Variants in SLC5A5 observed in about 807,000 individuals in gnomAD.
SLC5A5 encodes the protein solute carrier family 5 member 5.
In SLC5A5, 56 loss-of-function variants were observed where a neutral mutation model predicts 68.6. That is an observed-to-expected ratio of 0.82 (90% confidence interval 0.66 to 1.02). SLC5A5 has a LOEUF of 1.02. Ranked by LOEUF, SLC5A5 falls within the 50% of genes least tolerant of loss-of-function variation. The pLI, the probability that SLC5A5 is intolerant of heterozygous loss-of-function variation, is 0.00. For synonymous variants in SLC5A5, 398 were observed against 373.0 expected, an observed-to-expected ratio of 1.07 and a Z score of -0.77; for missense variants, 807 against 859.8, an observed-to-expected ratio of 0.94 and a Z score of 0.77.
At chr19:17,877,609 A>G in intron 5 of SLC5A5, 114 bp from the exon 6 acceptor site, 1 of 1,403,668 alleles carries the variant, frequency 7.1e-7, no homozygotes, top group Non-Finnish European at 9.8e-7. Flanking sequence ...CGCCTGGCCA[A>G]CAAAACCCAC....
Position 17,876,039 on chromosome 19 carries a change from A to T in SLC5A5, c.631A>T (p.Met211Leu), listed in dbSNP as rs1342061068. The T allele has an allele frequency of 6.2e-7, 1 of 1,614,172 alleles. No individual in the cohort carries two copies. The highest frequency in any genetic ancestry group is 8.5e-7 in the Non-Finnish European group (1 of 1,180,028). ...GFWVVLARGVMLVGGPRQVLT... is the reference protein window; with the variant it reads ...GFWVVLARGVLLVGGPRQVLT... The stretch of plus-strand genomic sequence containing the variant: ...CTGGGTTGTCCTGGCACGCGGTGTC[A>T]TGCTTGTGGGCGGGCCCCGCCAGGT... The change falls in exon 5 of 15, where the codon ATG becomes TTG. Residue 211 changes from methionine (M) to leucine (L), a missense_variant. Transcript: ENST00000222248.
intron 7 of SLC5A5, among the ~76,000 whole-genome samples, chr19:17,880,438 C>T (rs1465538310): frequency 1.3e-5 from 2 of 152,198 alleles, no homozygotes; most frequent in Admixed American, 1.3e-4. Flanking sequence ...TGGTCTTGAA[C>T]TTCTGAGCTC....
chr19:17,880,728 A>G, intron 7 of SLC5A5, 137 bp from the exon 8 acceptor site: 1 of 709,198 alleles, frequency 1.4e-6, no homozygotes, highest in South Asian at 1.5e-5. Context: ...AACCACAGAC[A>G]AAAACTAAAT....
chr19:17,879,741 C>G (rs1220070501), intron 7 of SLC5A5, among the ~76,000 whole-genome samples: 1 of 152,174 alleles, frequency 6.6e-6, no homozygotes, highest in Non-Finnish European at 1.5e-5. Flanking sequence ...CTCTCTGCCT[C>G]ACAGTCTTCA....
In SLC5A5 at chr19:17,872,470, G is replaced by T. The variant is rs1472472467; in HGVS notation, c.151G>T (p.Gly51Cys). The T allele has an allele frequency of 6.2e-7, 1 of 1,611,364 alleles. No homozygotes were observed. The highest frequency in any genetic ancestry group is 8.5e-7 in the Non-Finnish European group (1 of 1,179,190). Reference sequence around the variant, plus strand: ...CAGCGCTGAGGACTTCTTCACCGGGGGCCGGCGCCTGGCGGCCCTGCCCGT... The same window carrying T: ...CAGCGCTGAGGACTTCTTCACCGGGTGCCGGCGCCTGGCGGCCCTGCCCGT... ...QRSAEDFFTG[G>C]RRLAALPVGL... The change falls in exon 1 of 15, where the codon GGC (glycine) becomes TGC (cysteine). Residue 51 changes from glycine (G) to cysteine (C), a missense_variant. Gly to Cys is a radical substitution (Grantham distance 159). Coordinates refer to ENST00000222248, the MANE Select transcript of SLC5A5 (RefSeq NM_000453.3).
rs772699664 is a variant in SLC5A5, at chr19:17,883,779, C to CG, written c.1329+16dup. ...CCTGCAACACACCGGTGAGTGGGGG[C>CG]GGGGCAAGGGGCGGGGAGGGGCGGG... On this transcript the variant is annotated intron_variant, in intron 11 of 14. Coordinates refer to ENST00000222248, the MANE Select transcript of SLC5A5 (RefSeq NM_000453.3). 1.7e-5 allele frequency: 7 copies of CG among 407,428 alleles called. No individual in the cohort carries two copies. In the East Asian group the frequency reaches 2.9e-4, roughly 17 times the overall value. 25.2% of individuals were successfully genotyped at this position (407,428 alleles called of 1,614,324 possible).
At chr19:17,889,427 A>AAGGAAGGAAGGT (rs1465859853) in intron 13 of SLC5A5, among the ~76,000 whole-genome samples, 6 of 149,620 alleles carry the variant, frequency 4.0e-5, no homozygotes, top group African/African-American at 1.5e-4. Context: ...GGAAGGAAGG[A>AAGGAAGGAAGGT]AGGAAGGAAG....
In SLC5A5 at chr19:17,882,140, C is replaced by A; in HGVS notation, c.1172-9C>A. ...TCCCCGTTGACCGTGCCATCCTCATCCACTACAGCACTCATCTACGGATCG... is the reference window on the plus strand; with the variant it reads ...TCCCCGTTGACCGTGCCATCCTCATACACTACAGCACTCATCTACGGATCG... On this transcript the variant is annotated splice_polypyrimidine_tract_variant and intron_variant, in intron 9 of 14. Transcript: ENST00000222248. The A allele has an allele frequency of 1.2e-6, 2 of 1,613,964 alleles. No homozygotes were observed. The highest frequency in any genetic ancestry group is 8.5e-7 in the Non-Finnish European group (1 of 1,179,854).
chr19:17,893,766 C>A lies in SLC5A5; in HGVS notation c.1821C>A (p.Thr607=). ...GNKKPPGFLP[T]NEDRLFFLGQ... ...AGAAGCCCCCTGGCTTCCTGCCCAC[C>A]AATGAGGATCGTCTGTTTTTCTTGG... The change falls in exon 15 of 15, where the codon ACC becomes ACA. Residue 607 remains threonine, a synonymous_variant. Coordinates refer to ENST00000222248, the MANE Select transcript of SLC5A5 (RefSeq NM_000453.3). The A allele has an allele frequency of 6.2e-7, 1 of 1,613,860 alleles. No individual in the cohort carries two copies. The highest frequency in any genetic ancestry group is 1.1e-5 in the South Asian group (1 of 91,000).
At chr19:17,872,783 G>T in intron 1 of SLC5A5, 107 bp downstream of exon 1, 1 of 748,772 alleles carries the variant, frequency 1.3e-6, no homozygotes, top group African/African-American at 1.7e-5. Context: ...GACGCGGATG[G>T]CACCTCGGTG....
intron 12 of SLC5A5, among the ~76,000 whole-genome samples, chr19:17,885,248 C>T (rs1344900532): frequency 2.0e-5 from 3 of 149,288 alleles, no homozygotes; most frequent in African/African-American, 4.9e-5. Flanking sequence ...TGGGCTCAAG[C>T]GATCTGCCCA....
At chr19:17,892,652 C>CAGAGAGAGAGAGAG (rs58081153) in intron 14 of SLC5A5, among the ~76,000 whole-genome samples, 1,401 of 97,328 alleles carry the variant, frequency 0.014, 115 homozygotes, top group Middle Eastern at 0.018. Context: ...AAAGAAAAGA[C>CAGAGAGAGAGAGAG]AGAGAGAGAG....
chr19:17,874,386 G>A, intron 2 of SLC5A5, 108 bp from the exon 3 acceptor site: 1 of 1,012,592 alleles, frequency 9.9e-7, no homozygotes, highest in Non-Finnish European at 1.5e-6. Flanking sequence ...TGGAAGACCC[G>A]GCCTATCTGC....
At chr19:17,890,790 C>G (rs1252120214) in intron 13 of SLC5A5, 96 bp from the exon 14 acceptor site, 17 of 866,786 alleles carry the variant, frequency 2.0e-5, no homozygotes, top group Admixed American at 1.7e-4. Flanking sequence ...ACTTCATAGA[C>G]CAGGGATCTC....
At chr19:17,889,703 A>C (rs999322742) in intron 13 of SLC5A5, among the ~76,000 whole-genome samples, 3 of 152,154 alleles carry the variant, frequency 2.0e-5, no homozygotes, top group Non-Finnish European at 2.9e-5. Context: ...AGCTTGCCCT[A>C]TTTTGCAGAG....
At position 17,892,652 on chromosome 19, in the gene SLC5A5, C is replaced by CAGAGAGAGAGAGAGAGAGAG. The variant is rs58081153; in HGVS notation, c.1768-1034_1768-1015dup. Among the ~76,000 whole-genome samples the CAGAGAGAGAGAGAGAGAGAG allele has an allele frequency of 1.2e-3, 115 of 97,388 alleles. 6 individuals are homozygous for CAGAGAGAGAGAGAGAGAGAG. Among genetic ancestry groups the CAGAGAGAGAGAGAGAGAGAG allele is most frequent in the Middle Eastern group, 8.9e-3 (1 of 112 alleles). The allele number at this position is 97,388 out of a possible 152,430, so 63.9% of individuals were successfully genotyped here. ...GACACTGTCAGAAAGAAAGAAAAGA[C>CAGAGAGAGAGAGAGAGAGAG]AGAGAGAGAGAGAGAGAGAGAGAGA... On this transcript the variant is annotated intron_variant, in intron 14 of 14. Coordinates refer to ENST00000222248, the MANE Select transcript of SLC5A5 (RefSeq NM_000453.3).
Position 17,893,910 on chromosome 19 carries a change from G to T in SLC5A5, c.*33G>T, listed in dbSNP as rs200358618. 1.0e-4 allele frequency: 160 copies of T among 1,549,876 alleles called. No homozygotes were observed. In the African/African-American group the frequency reaches 1.9e-3, roughly 19 times the overall value. ...GCCAGCCGCGGGACTGACACCCTGGGATGGAACCTCAGGATGGGCCAAACC... is the reference window on the plus strand; with the variant it reads ...GCCAGCCGCGGGACTGACACCCTGGTATGGAACCTCAGGATGGGCCAAACC... On this transcript the variant is annotated 3_prime_UTR_variant, in exon 15 of 15. Coordinates refer to ENST00000222248, the MANE Select transcript of SLC5A5 (RefSeq NM_000453.3).
rs1472441640 is a variant in SLC5A5, at chr19:17,894,104, G to A, written c.*227G>A. 3 of 527,530 alleles carry A rather than the reference G, an allele frequency of 5.7e-6. No individual in the cohort carries two copies. The highest frequency in any genetic ancestry group is 1.1e-3 in the Middle Eastern group (2 of 1,904). The allele number at this position is 527,530 out of a possible 1,614,324, so 32.7% of individuals were successfully genotyped here. A position where few individuals can be genotyped will look rare whatever the true frequency, so the allele number is the denominator to read the frequency against. ...CCCCAGTATTAGACGCTGCAGCCCT[G>A]ACGGCTCCCCCCAAATAAGGCTGGG... On this transcript the variant is annotated 3_prime_UTR_variant, in exon 15 of 15. Transcript: ENST00000222248.
intron 13 of SLC5A5, among the ~76,000 whole-genome samples, chr19:17,889,440 A>AGGAAGGAAGGAAGGAAGGAAGGAG (rs964202892): frequency 2.7e-5 from 4 of 149,714 alleles, no homozygotes; most frequent in East Asian, 4.0e-4. Context: ...GAAGGAAGGA[A>AGGAAGGAAGGAAGGAAGGAAGGAG]GGAAAGAGAA....
Sources: allele counts gnomAD v4.1 joint callset (sites outside exome capture counted in the v4.1 genomes callset), GRCh38; gene constraint gnomAD v4.1.1; transcripts MANE v1.5; gene names NCBI Gene and HGNC (gene_info 2026-07-23, HGNC 2026-07-21).